The following TYR variants were observed in gnomAD, a reference collection of about 807,000 sequenced individuals.
TYR encodes LB24-AB.
In TYR, 58 loss-of-function variants were observed where a neutral mutation model predicts 51.5. The observed-to-expected ratio is 1.13, with a 90% confidence interval of 0.91 to 1.40. TYR has a LOEUF of 1.40. Among genes scored for constraint, TYR ranks in the 40% most tolerant of loss-of-function variants. TYR has a pLI of 0.00. For missense variants in TYR, 732 were observed against 647.4 expected, an observed-to-expected ratio of 1.13 and a Z score of -1.42; for synonymous variants, 263 against 235.2, an observed-to-expected ratio of 1.12 and a Z score of -1.08.
chr11:89,264,252 A>G (rs1026011060), intron 3 of TYR, among the ~76,000 whole-genome samples: 1 of 152,068 alleles, frequency 6.6e-6, no homozygotes, highest in Non-Finnish European at 1.5e-5. Flanking sequence ...AACAGATACA[A>G]ATAGAACTGC....
intron 2 of TYR, among the ~76,000 whole-genome samples, chr11:89,201,088 A>C (rs1318155369): frequency 6.6e-6 from 1 of 152,208 alleles, no homozygotes; most frequent in Non-Finnish European, 1.5e-5. Context: ...AATATTCAAA[A>C]TCACATTATT....
At chr11:89,286,348 G>A (rs928802541) in intron 4 of TYR, among the ~76,000 whole-genome samples, 5 of 151,832 alleles carry the variant, frequency 3.3e-5, no homozygotes, top group Admixed American at 6.6e-5. Context: ...AAAAGGACAC[G>A]AAGAAAATAA....
chr11:89,241,823 C>G (rs1176600838), intron 3 of TYR, among the ~76,000 whole-genome samples: 1 of 146,956 alleles, frequency 6.8e-6, no homozygotes, highest in Non-Finnish European at 1.5e-5. Flanking sequence ...ATAGTATATA[C>G]TATACATATA....
chr11:89,287,587 G>T (rs181095858), intron 4 of TYR, among the ~76,000 whole-genome samples: 65 of 151,902 alleles, frequency 4.3e-4, no homozygotes, highest in African/African-American at 1.5e-3. Context: ...AACTCCAGGG[G>T]TCAATGAAGT....
chr11:89,182,212 G>A (rs1943309402), intron 1 of TYR, among the ~76,000 whole-genome samples: 1 of 152,136 alleles, frequency 6.6e-6, no homozygotes, highest in African/African-American at 2.4e-5. Context: ...TATCCACAGA[G>A]CACAGGACTA....
intron 2 of TYR, among the ~76,000 whole-genome samples, chr11:89,213,232 A>C (rs988658811): frequency 1.2e-4 from 19 of 152,246 alleles, no homozygotes; most frequent in African/African-American, 4.3e-4. Flanking sequence ...AAGCAACTTC[A>C]GAAAAGTCTC....
Position 89,209,232 on chromosome 11 carries a change from G to A in TYR, c.1036+17814G>A, listed in dbSNP as rs568366981. ...GTACCTGGAGGAACAGTACACTCTT[G>A]CCCAAATACTATGTTTTTCCCATGC... On this transcript the variant is annotated intron_variant, in intron 2 of 4. Coordinates refer to ENST00000263321, the MANE Select transcript of TYR (RefSeq NM_000372.5). Among the ~76,000 whole-genome samples the A allele has an allele frequency of 2.6e-5, 4 of 152,300 alleles. No homozygotes were observed. In the South Asian group the frequency reaches 8.3e-4, roughly 32 times the overall value.
In TYR at chr11:89,255,910, T is replaced by A. The variant is rs139152471; in HGVS notation, c.1184+27940T>A. On this transcript the variant is annotated intron_variant, in intron 3 of 4. Coordinates refer to ENST00000263321, the MANE Select transcript of TYR (RefSeq NM_000372.5). ...TTCCATTATACATTTCAGAAATTTT[T>A]GATATTTATTATTATTATTACTTGC... Among the ~76,000 whole-genome samples, 147 of 151,826 alleles carry A rather than the reference T, an allele frequency of 9.7e-4. 6 individuals carry two copies. The East Asian group carries it at 0.026, about 27-fold the overall frequency.
At chr11:89,193,245 AC>A (rs1242271389) in intron 2 of TYR, among the ~76,000 whole-genome samples, 1 of 152,160 alleles carries the variant, frequency 6.6e-6, no homozygotes, top group Non-Finnish European at 1.5e-5. Context: ...GCCATAAGTG[AC>A]AAAGCATATA....
intron 3 of TYR, among the ~76,000 whole-genome samples, chr11:89,240,458 T>C (rs1301612224): frequency 6.6e-6 from 1 of 152,180 alleles, no homozygotes; most frequent in African/African-American, 2.4e-5. Flanking sequence ...GTTTTATTAT[T>C]GCATTGTATA....
chr11:89,189,217 C>CTTTA (rs1183928815), intron 1 of TYR, among the ~76,000 whole-genome samples: 3 of 152,036 alleles, frequency 2.0e-5, no homozygotes, highest in Admixed American at 2.0e-4. Flanking sequence ...ATGCCACTTA[C>CTTTA]CCTCTCTGAG....
At chr11:89,219,112 C>T (rs937495479) in intron 2 of TYR, among the ~76,000 whole-genome samples, 3 of 152,080 alleles carry the variant, frequency 2.0e-5, no homozygotes, top group African/African-American at 4.8e-5. Flanking sequence ...AATGAAAGTT[C>T]CTTAAAGTTA....
At chr11:89,184,665 A>G (rs1943345805) in intron 1 of TYR, among the ~76,000 whole-genome samples, 1 of 152,204 alleles carries the variant, frequency 6.6e-6, no homozygotes, top group Non-Finnish European at 1.5e-5. Context: ...TGAAACAGAA[A>G]TTATTTGTTG....
At chr11:89,271,478 T>C (rs1471315038) in intron 3 of TYR, among the ~76,000 whole-genome samples, 1 of 151,940 alleles carries the variant, frequency 6.6e-6, no homozygotes, top group Non-Finnish European at 1.5e-5. Flanking sequence ...AAAAATACTT[T>C]ATGCTGAAAA....
intron 4 of TYR, chr11:89,293,614 AC>A (rs1196969947): frequency 6.5e-6 from 1 of 152,714 alleles, no homozygotes; most frequent in African/African-American, 2.4e-5. Flanking sequence ...CACCAAAAAA[AC>A]CCAACTCTCC....
At position 89,178,714 on chromosome 11, in the gene TYR, G is replaced by C; in HGVS notation, c.761G>C (p.Gly254Ala). The C allele has an allele frequency of 6.2e-7, 1 of 1,614,084 alleles. No individual in the cohort carries two copies. Among genetic ancestry groups the C allele is most frequent in the South Asian group, 1.1e-5 (1 of 91,078 alleles). ...CDICTDEYMG[G>A]QHPTNPNLLS... The stretch of plus-strand genomic sequence containing the variant: ...ATTTGCACAGATGAGTACATGGGAG[G>C]TCAGCACCCCACAAATCCTAACTTA... Residue 254 changes from glycine to alanine, a missense_variant, in exon 1 of 5, where the codon GGT becomes GCT. Physicochemically the swap from Gly to Ala is moderately conservative, Grantham distance 60. Transcript: ENST00000263321.
rs371040611 is a variant in TYR at position 89,178,780 on chromosome 11, A to G, written c.819+8A>G. The G allele has an allele frequency of 2.6e-5, 42 of 1,613,704 alleles. No individual in the cohort carries two copies. Among genetic ancestry groups the G allele is most frequent in the Non-Finnish European group, 3.3e-5 (39 of 1,179,890 alleles). On this transcript the variant is annotated splice_region_variant and intron_variant, in intron 1 of 4. Coordinates refer to ENST00000263321, the MANE Select transcript of TYR (RefSeq NM_000372.5). The stretch of plus-strand genomic sequence containing the variant: ...TTCTTCTCCTCTTGGCAGGTAAGAT[A>G]TGCTAGATATACGATGTCAGAGTAG...
intron 1 of TYR, among the ~76,000 whole-genome samples, chr11:89,187,545 T>C (rs879011532): frequency 6.6e-6 from 1 of 152,180 alleles, no homozygotes; most frequent in South Asian, 2.1e-4. Context: ...AGTGCCTTTA[T>C]GTGGGAATGG....
At chr11:89,281,212 C>A (rs1268683077) in intron 3 of TYR, among the ~76,000 whole-genome samples, 1 of 151,592 alleles carries the variant, frequency 6.6e-6, no homozygotes, top group Admixed American at 6.6e-5. Flanking sequence ...ATATTTACTT[C>A]CCCTTAGGTG....
Sources: gnomAD v4.1 joint callset for allele counts (sites outside exome capture counted in the v4.1 genomes callset) on GRCh38, gnomAD v4.1.1 for gene constraint, MANE v1.5 for transcripts, NCBI Gene and HGNC (gene_info 2026-07-23, HGNC 2026-07-21) for gene names.